The following DCC variants were observed in gnomAD, a reference collection of about 807,000 sequenced individuals.
DCC encodes the protein netrin receptor DCC.
Under a neutral mutation model 172.5 loss-of-function variants are expected in DCC, and 58 were observed. The ratio of observed to expected loss-of-function variants is 0.34; its 90% CI spans 0.27 to 0.42. The LOEUF is 0.42. Among genes scored for constraint, DCC ranks in the 10% least tolerant of loss-of-function variants. DCC has a pLI of 1.00. For synonymous variants in DCC, 709 were observed against 644.5 expected, an observed-to-expected ratio of 1.10 and a Z score of -1.52; for missense variants, 1,740 against 1,791.0, an observed-to-expected ratio of 0.97 and a Z score of 0.51.
intron 18 of DCC, among the ~76,000 whole-genome samples, chr18:53,398,461 A>G (rs1909093427): frequency 6.6e-6 from 1 of 152,122 alleles, no homozygotes; most frequent in Admixed American, 6.6e-5. Flanking sequence ...CCCTGAATGC[A>G]CAATGTTCAC....
chr18:52,577,983 C>T (rs1401799047), intron 1 of DCC, among the ~76,000 whole-genome samples: 1 of 152,154 alleles, frequency 6.6e-6, no homozygotes, highest in Non-Finnish European at 1.5e-5. Flanking sequence ...GATTTATATG[C>T]CATCAACTCA....
At chr18:52,882,261 T>G (rs1398548476) in intron 2 of DCC, among the ~76,000 whole-genome samples, 2 of 149,826 alleles carry the variant, frequency 1.3e-5, no homozygotes, top group Non-Finnish European at 1.5e-5. Flanking sequence ...ACTTGCCCTT[T>G]CTTTTTTAGT....
chr18:53,488,581 C>T (rs1237757386), intron 26 of DCC, among the ~76,000 whole-genome samples: 3 of 152,004 alleles, frequency 2.0e-5, no homozygotes, highest in African/African-American at 4.8e-5. Context: ...TTACTCTTTC[C>T]GTTTTCCTCT....
chr18:53,209,424 T>C (rs776133293), intron 11 of DCC, among the ~76,000 whole-genome samples: 1 of 152,208 alleles, frequency 6.6e-6, no homozygotes, highest in African/African-American at 2.4e-5. Flanking sequence ...TTGGTGTGTT[T>C]AATTCTATAA....
chr18:52,994,628 G>A (rs79677052), intron 5 of DCC, among the ~76,000 whole-genome samples: 3,607 of 152,066 alleles, frequency 0.024, 52 homozygotes, highest in Middle Eastern at 0.044. Context: ...AAATTTAGTT[G>A]GAAAGATAAT....
chr18:53,381,118 G>C (rs1489887072), intron 15 of DCC, among the ~76,000 whole-genome samples: 1 of 49,640 alleles, frequency 2.0e-5, no homozygotes, highest in African/African-American at 5.7e-5. Context: ...ATTTATGGGG[G>C]TTAGGAGATG....
intron 7 of DCC, among the ~76,000 whole-genome samples, chr18:53,073,470 G>T (rs2042683136): frequency 6.6e-6 from 1 of 152,152 alleles, no homozygotes; most frequent in Admixed American, 6.5e-5. Context: ...AGCTTGCAGT[G>T]AGCCGAGATA....
At chr18:52,944,938 CAT>C (rs2040517914) in intron 5 of DCC, among the ~76,000 whole-genome samples, 2 of 152,122 alleles carry the variant, frequency 1.3e-5, no homozygotes, top group African/African-American at 4.8e-5. Flanking sequence ...GCAGATAAAT[CAT>C]ATATCTCAAA....
chr18:53,052,629 A>G (rs1406041748), intron 5 of DCC, among the ~76,000 whole-genome samples: 1 of 152,058 alleles, frequency 6.6e-6, no homozygotes, highest in Non-Finnish European at 1.5e-5. Flanking sequence ...ATAACCAGGC[A>G]TGGTAGGGGA....
In DCC at chr18:53,416,068, G is replaced by C; in HGVS notation, c.3131-56G>C. On this transcript the variant is annotated intron_variant, in intron 20 of 28. Transcript: ENST00000442544. ...AAAGAACTGTTGGTTTGATATGTCAGCTTTCTTGCTAGGAACTGTCAAAGT... is the reference window on the plus strand; with the variant it reads ...AAAGAACTGTTGGTTTGATATGTCACCTTTCTTGCTAGGAACTGTCAAAGT... The C allele has an allele frequency of 2.2e-6, 3 of 1,345,932 alleles. No individual in the cohort carries two copies. The South Asian group carries it at 3.5e-5, about 16-fold the overall frequency. 83.4% of individuals were successfully genotyped at this position (1,345,932 alleles called of 1,614,324 possible).
chr18:52,405,651 A>G (rs1219687604), intron 1 of DCC, among the ~76,000 whole-genome samples: 1 of 151,014 alleles, frequency 6.6e-6, no homozygotes, highest in East Asian at 2.0e-4. Flanking sequence ...ACTACAAACC[A>G]CTGCTCAAGG....
At chr18:53,371,162 T>A (rs1030680309) in intron 15 of DCC, among the ~76,000 whole-genome samples, 3 of 151,836 alleles carry the variant, frequency 2.0e-5, no homozygotes, top group South Asian at 2.1e-4. Flanking sequence ...CAACAAGTTA[T>A]AAAGTAACAT....
intron 1 of DCC, among the ~76,000 whole-genome samples, chr18:52,492,775 C>T (rs908976952): frequency 1.3e-5 from 2 of 152,026 alleles, no homozygotes; most frequent in African/African-American, 4.8e-5. Context: ...GACTCATTAA[C>T]GAAGGTACAA....
chr18:52,435,521 T>G (rs1987763414), intron 1 of DCC, among the ~76,000 whole-genome samples: 1 of 152,156 alleles, frequency 6.6e-6, no homozygotes, highest in Admixed American at 6.5e-5. Flanking sequence ...TTTGTCACTT[T>G]CAGGACTGCT....
intron 19 of DCC, among the ~76,000 whole-genome samples, chr18:53,404,862 C>T (rs574454993): frequency 4.6e-5 from 7 of 151,922 alleles, no homozygotes; most frequent in South Asian, 2.1e-4. Context: ...TAGATTTATA[C>T]GTTCAATGGA....
chr18:52,581,187 T>TCATCTATCTATCTATCTATCTATC (rs1555699056), intron 1 of DCC, among the ~76,000 whole-genome samples: 1 of 146,452 alleles, frequency 6.8e-6, no homozygotes. Context: ...TCTATATATC[T>TCATCTATCTATCTATCTATCTATC]TATCTATCTA....
intron 12 of DCC, among the ~76,000 whole-genome samples, chr18:53,247,389 G>T (rs2056377834): frequency 6.6e-6 from 1 of 151,960 alleles, no homozygotes; most frequent in African/African-American, 2.4e-5. Flanking sequence ...TTGGTGCAAA[G>T]GTGGCTATTT....
At position 53,440,485 on chromosome 18, in the gene DCC, A is replaced by G. The variant is rs2145128879; in HGVS notation, c.3229+5276A>G. On this transcript the variant is annotated intron_variant, in intron 22 of 28. Transcript: ENST00000442544. ...TCAGAAAAGAAGCAGTTTGCTCTCT[A>G]TTTTTGCAAACCTGTTTTTTTTTTT... Among the ~76,000 whole-genome samples the G allele has an allele frequency of 1.5e-5, 2 of 135,792 alleles. 1 individual carries two copies. Among genetic ancestry groups the G allele is most frequent in the Middle Eastern group, 8.0e-3 (2 of 250 alleles). 89.1% of individuals were successfully genotyped at this position (135,792 alleles called of 152,430 possible). A position where few individuals can be genotyped will look rare whatever the true frequency, so the allele number is the denominator to read the frequency against.
chr18:52,871,626 T>A (rs937117795), intron 2 of DCC, among the ~76,000 whole-genome samples: 21 of 152,140 alleles, frequency 1.4e-4, no homozygotes, highest in African/African-American at 5.1e-4. Context: ...AGCTAATTTT[T>A]AAATTTTTTG....
Sources: gnomAD v4.1 joint callset for allele counts (sites outside exome capture counted in the v4.1 genomes callset) on GRCh38, gnomAD v4.1.1 for gene constraint, MANE v1.5 for transcripts, NCBI Gene and HGNC (gene_info 2026-07-23, HGNC 2026-07-21) for gene names.